HIVEP1: variants seen among roughly 807,000 people sequenced by gnomAD.
HIVEP1 encodes the protein HIVEP zinc finger 1, also known as zinc finger protein 40.
Under a neutral mutation model 180.0 loss-of-function variants are expected in HIVEP1, and 36 were observed. The ratio of observed to expected loss-of-function variants is 0.20; its 90% CI spans 0.15 to 0.26. The LOEUF is 0.26. Ranked by LOEUF, HIVEP1 falls within the 10% of genes least tolerant of loss-of-function variation. HIVEP1 has a pLI of 1.00. For missense variants in HIVEP1, 3,143 were observed against 3,268.7 expected (o/e 0.96, Z 0.94); for synonymous variants, 1,239 against 1,239.0 (o/e 1.00, Z 0.00).
downstream of HIVEP1, chr6:12,165,018 C>T: frequency 1.2e-5 from 5 of 401,230 alleles, no homozygotes; most frequent in Admixed American, 3.1e-5. Flanking sequence ...TCAGTTGTGC[C>T]TTCTTTATAT....
chr6:12,182,824 G>C, the HIVEP1 span, among the ~76,000 whole-genome samples: 4 of 152,166 alleles, frequency 2.6e-5, no homozygotes, highest in East Asian at 1.9e-4. Context: ...CAAGTAGAAG[G>C]TGTCATTAAT....
At chr6:12,090,735 C>CTTTTTTTTTTTTT (rs35266647) in intron 3 of HIVEP1, among the ~76,000 whole-genome samples, 1 of 82,472 alleles carries the variant, frequency 1.2e-5, no homozygotes, top group Non-Finnish European at 2.2e-5. Flanking sequence ...TATAGCCAGC[C>CTTTTTTTTTTTTT]TTTTTTTTTT....
upstream of HIVEP1, among the ~76,000 whole-genome samples, chr6:12,011,742 G>T (rs1767325762): frequency 6.7e-6 from 1 of 148,292 alleles, no homozygotes; most frequent in Non-Finnish European, 1.5e-5. Flanking sequence ...GTTCGTGCCG[G>T]GCCGGGCGCC....
At chr6:12,175,214 G>A in the HIVEP1 span, among the ~76,000 whole-genome samples, 43,758 of 152,032 alleles carry the variant, frequency 0.29, 6,820 homozygotes, top group Non-Finnish European at 0.35. Flanking sequence ...TCTAATTACT[G>A]TTAAATAGTG....
At chr6:12,154,603 A>G (rs188758398) in intron 7 of HIVEP1, among the ~76,000 whole-genome samples, 1 of 152,204 alleles carries the variant, frequency 6.6e-6, no homozygotes, top group East Asian at 1.9e-4. Context: ...CATCACATGG[A>G]CACAAGGAGG....
At chr6:12,053,874 C>G (rs189024038) in intron 2 of HIVEP1, among the ~76,000 whole-genome samples, 3 of 152,104 alleles carry the variant, frequency 2.0e-5, no homozygotes, top group Non-Finnish European at 4.4e-5. Context: ...TGGTACATAA[C>G]GTATCTTTTA....
At chr6:12,132,601 T>C (rs182995229) in intron 6 of HIVEP1, among the ~76,000 whole-genome samples, 3 of 152,294 alleles carry the variant, frequency 2.0e-5, no homozygotes, top group African/African-American at 7.2e-5. Context: ...TTTAGATAAA[T>C]GTTAACTAAA....
In HIVEP1 at chr6:12,123,859, A is replaced by T; in HGVS notation, c.4064A>T (p.Asn1355Ile). 6.2e-7 allele frequency: 1 copy of T among 1,614,142 alleles called. No homozygotes were observed. ...LMIPAGLNTLNVPGCHREMRR... is the reference protein window; with the variant it reads ...LMIPAGLNTLIVPGCHREMRR... ...ATTCCAGCTGGCTTGAATACTCTGA[A>T]TGTTCCTGGATGTCACCGGGAAATG... Residue 1355 changes from asparagine to isoleucine, a missense_variant, in exon 4 of 9, where the codon AAT becomes ATT. Asn to Ile is a moderately radical substitution (Grantham distance 149). Coordinates refer to ENST00000379388, the MANE Select transcript of HIVEP1 (RefSeq NM_002114.4).
downstream of HIVEP1, among the ~76,000 whole-genome samples, chr6:12,167,535 TTG>T (rs1476396548): frequency 2.9e-5 from 4 of 138,776 alleles, no homozygotes; most frequent in Non-Finnish European, 6.2e-5. Flanking sequence ...TAATATATAT[TTG>T]TATATATATA....
At chr6:12,032,139 CTTT>C (rs71877836) in intron 2 of HIVEP1, among the ~76,000 whole-genome samples, 8 of 133,714 alleles carry the variant, frequency 6.0e-5, no homozygotes, top group Non-Finnish European at 8.0e-5. Context: ...CACTGATAAC[CTTT>C]TTTTTTTTTT....
intron 2 of HIVEP1, among the ~76,000 whole-genome samples, chr6:12,017,305 T>C (rs1229442618): frequency 1.3e-5 from 2 of 152,180 alleles, no homozygotes; most frequent in Non-Finnish European, 2.9e-5. Flanking sequence ...TTATAGCTCT[T>C]AAAGGTAGCG....
chr6:12,125,123 C>T lies in HIVEP1; in HGVS notation c.5328C>T (p.Asp1776=), dbSNP rs539525903. The T allele has an allele frequency of 2.0e-5, 33 of 1,613,486 alleles. 2 individuals are homozygous for T. The African/African-American group carries it at 2.5e-4, about 12-fold the overall frequency. The change falls in exon 4 of 9, where the codon GAC becomes GAT. Residue 1776 remains aspartate, a synonymous_variant. Coordinates refer to ENST00000379388, the MANE Select transcript of HIVEP1 (RefSeq NM_002114.4). The part of the protein sequence containing the change: ...KDENGAVCAT[D]VRPLEALSSR... ...AAAATGGAGCTGTTTGTGCAACAGA[C>T]GTGAGACCTTTAGAGGCTTTGAGTT...
chr6:12,121,717 C>T lies in HIVEP1; in HGVS notation c.1922C>T (p.Thr641Met), dbSNP rs760642384. Residue 641 changes from threonine to methionine, a missense_variant, in exon 4 of 9, where the codon ACG (threonine) becomes ATG (methionine). By Grantham distance (81) the Thr-to-Met change is moderately conservative (BLOSUM62 -1). Transcript: ENST00000379388. The surrounding 1 kb of genome is among the most constrained non-coding windows in gnomAD (Gnocchi z 5.3). ...GGAAAGCAAGACTCTCACGTAGGAA[C>T]GGTACACGCCCAGCTACAAAGGCAG... Reference protein sequence around the residue: ...LEGKQDSHVGTVHAQLQRQQA... With the variant: ...LEGKQDSHVGMVHAQLQRQQA... 44 of 1,614,074 alleles carry T rather than the reference C, an allele frequency of 2.7e-5. 1 individual carries two copies. Among genetic ancestry groups the T allele is most frequent in the Admixed American group, 1.5e-4 (9 of 60,012 alleles).
At chr6:12,186,745 G>A in the HIVEP1 span, among the ~76,000 whole-genome samples, 2 of 152,018 alleles carry the variant, frequency 1.3e-5, no homozygotes, top group African/African-American at 2.4e-5. Flanking sequence ...ATGCAAAGAA[G>A]CAAGAAAATG....
the HIVEP1 span, among the ~76,000 whole-genome samples, chr6:12,172,789 C>CTT: frequency 2.9e-5 from 4 of 138,632 alleles, no homozygotes; most frequent in African/African-American, 2.6e-5. Context: ...AAACACGGTC[C>CTT]TTTTTTTTTT....
At chr6:12,052,162 C>T (rs1053983027) in intron 2 of HIVEP1, among the ~76,000 whole-genome samples, 3 of 152,130 alleles carry the variant, frequency 2.0e-5, no homozygotes, top group East Asian at 1.9e-4. Flanking sequence ...TGTCTTCTTA[C>T]GGAATCAAGA....
At chr6:12,159,429 G>T (rs549557547) in intron 7 of HIVEP1, among the ~76,000 whole-genome samples, 12 of 152,080 alleles carry the variant, frequency 7.9e-5, no homozygotes, top group African/African-American at 2.9e-4. Flanking sequence ...TACTGATGTG[G>T]CAAATTCAAG....
intron 2 of HIVEP1, chr6:12,020,467 C>G: frequency 2.1e-6 from 1 of 471,006 alleles, no homozygotes; most frequent in Non-Finnish European, 4.4e-6. Context: ...TCATTCCTTA[C>G]TCATCGCTGC....
rs745542134 is a variant in HIVEP1 at position 12,129,744 on chromosome 6, C to T, written c.6076-15C>T. ...TCAGTTTTATTAAATTAGTTTCTCTCTTTTTTCCTTTCAGAGAGCATTAGG... is the reference window on the plus strand; with the variant it reads ...TCAGTTTTATTAAATTAGTTTCTCTTTTTTTTCCTTTCAGAGAGCATTAGG... On this transcript the variant is annotated splice_polypyrimidine_tract_variant and intron_variant, in intron 4 of 8. Transcript: ENST00000379388. 10 of 1,588,214 alleles carry T rather than the reference C, an allele frequency of 6.3e-6. No individual in the cohort carries two copies. The African/African-American group carries it at 1.3e-4, about 21-fold the overall frequency.
Sources: gnomAD v4.1 joint callset for allele counts (sites outside exome capture counted in the v4.1 genomes callset) on GRCh38, gnomAD v4.1.1 for gene constraint, Gnocchi (gnomAD v3.1) non-coding constraint, MANE v1.5 for transcripts, NCBI Gene and HGNC (gene_info 2026-07-23, HGNC 2026-07-21) for gene names.